POU2AF1: variants seen among roughly 807,000 people sequenced by gnomAD.
POU2AF1 encodes the protein POU class 2 homeobox associating factor 1.
In POU2AF1, 12 loss-of-function variants were observed where a neutral mutation model predicts 26.3. That is an observed-to-expected ratio of 0.46 (90% CI 0.29 to 0.74). The LOEUF (loss-of-function observed/expected upper bound fraction) is 0.74. Among genes scored for constraint, POU2AF1 ranks in the 30% least tolerant of loss-of-function variants. The pLI is 0.09. For synonymous variants in POU2AF1, 175 were observed against 148.0 expected, an observed-to-expected ratio of 1.18 and a Z score of -1.32; for missense variants, 297 against 334.5, an observed-to-expected ratio of 0.89 and a Z score of 0.87.
chr11:111,354,133 A>C lies in POU2AF1; in HGVS notation c.*128T>G. 9.8e-7 allele frequency: 1 copy of C among 1,025,030 alleles called. No individual in the cohort carries two copies. Among genetic ancestry groups the C allele is most frequent in the Non-Finnish European group, 1.4e-6 (1 of 708,180 alleles). The allele number at this position is 1,025,030 out of a possible 1,614,324, so 63.5% of individuals were successfully genotyped here. On this transcript the variant is annotated 3_prime_UTR_variant, in exon 5 of 5. Transcript: ENST00000393067. ...AGGGAAGGAAGGTTTACAGGTCTAC[A>C]ATTCTAGCTGTGCGTAGAAAGTGTA...
chr11:111,366,922 C>A (rs993079120), intron 1 of POU2AF1, among the ~76,000 whole-genome samples: 1 of 152,130 alleles, frequency 6.6e-6, no homozygotes, highest in Non-Finnish European at 1.5e-5. Context: ...TTGTATTAGG[C>A]TGAAGTCAAG....
At chr11:111,364,956 C>A (rs1473140842) in intron 1 of POU2AF1, among the ~76,000 whole-genome samples, 1 of 152,190 alleles carries the variant, frequency 6.6e-6, no homozygotes, top group East Asian at 1.9e-4. Flanking sequence ...AAATGGATAT[C>A]CAGTTGTTTG....
chr11:111,359,028 CG>C, intron 1 of POU2AF1, 110 bp from the exon 2 acceptor site: 1 of 1,469,656 alleles, frequency 6.8e-7, no homozygotes, highest in South Asian at 1.4e-5. Flanking sequence ...TGCTTGAACA[CG>C]GAGAACCACG....
intron 1 of POU2AF1, among the ~76,000 whole-genome samples, chr11:111,362,037 C>A (rs1266703905): frequency 1.3e-5 from 2 of 152,242 alleles, no homozygotes; most frequent in East Asian, 3.8e-4. Flanking sequence ...ACTTTCCCTA[C>A]TGCTGGGTGG....
At position 111,372,049 on chromosome 11, in the gene POU2AF1, C is replaced by CAGAGAGAGAGAG. The variant is rs1159443371; in HGVS notation, c.16+7112_16+7113insCTCTCTCTCTCT. Among the ~76,000 whole-genome samples, 15 of 132,480 alleles carry CAGAGAGAGAGAG rather than the reference C, an allele frequency of 1.1e-4. 1 individual carries two copies. Among genetic ancestry groups the CAGAGAGAGAGAG allele is most frequent in the Admixed American group, 2.3e-4 (3 of 13,258 alleles). The allele number at this position is 132,480 out of a possible 152,430, so 86.9% of individuals were successfully genotyped here. On this transcript the variant is annotated intron_variant, in intron 1 of 4. Coordinates refer to ENST00000393067, the MANE Select transcript of POU2AF1 (RefSeq NM_006235.3). Reference sequence around the variant, plus strand: ...ACAAATACACACACACACACACACACACACACACACACACACACACAGAGA... The same window carrying CAGAGAGAGAGAG: ...ACAAATACACACACACACACACACACAGAGAGAGAGAGACACACACACACACACACACAGAGA...
chr11:111,370,429 G>T (rs1193372252), intron 1 of POU2AF1, among the ~76,000 whole-genome samples: 1 of 152,152 alleles, frequency 6.6e-6, no homozygotes, highest in Non-Finnish European at 1.5e-5. Flanking sequence ...GCCACTCACT[G>T]CCACTCTCTG....
intron 1 of POU2AF1, 139 bp from the exon 2 acceptor site, chr11:111,359,057 C>T: frequency 7.2e-7 from 1 of 1,389,062 alleles, no homozygotes; most frequent in Non-Finnish European, 9.5e-7. Flanking sequence ...TCCTAGAATG[C>T]CTCTCCAGTA....
At chr11:111,358,119 G>A (rs890351881) in intron 2 of POU2AF1, among the ~76,000 whole-genome samples, 39 of 152,224 alleles carry the variant, frequency 2.6e-4, no homozygotes, top group African/African-American at 8.4e-4. Context: ...CGCTCACTCA[G>A]GCCTTGACAG....
intron 4 of POU2AF1, among the ~76,000 whole-genome samples, chr11:111,354,955 A>G (rs1005644957): frequency 2.6e-5 from 4 of 152,250 alleles, no homozygotes; most frequent in African/African-American, 9.6e-5. Flanking sequence ...AAACATTAAA[A>G]ATATATGCAT....
At chr11:111,377,057 T>C (rs1218090614) in intron 1 of POU2AF1, among the ~76,000 whole-genome samples, 1 of 152,080 alleles carries the variant, frequency 6.6e-6, no homozygotes, top group African/African-American at 2.4e-5. Flanking sequence ...CTCCAGGGTG[T>C]GAGCAGGAAG....
At chr11:111,360,036 C>T (rs1360523638) in intron 1 of POU2AF1, 1 of 518,958 alleles carries the variant, frequency 1.9e-6, no homozygotes, top group Non-Finnish European at 3.8e-6. Context: ...TCCTTCCCCT[C>T]TTGCCATCAA....
At position 111,354,541 on chromosome 11, in the gene POU2AF1, G is replaced by T. The variant is rs142246564; in HGVS notation, c.491C>A (p.Pro164Gln). 6.5e-7 allele frequency: 1 copy of T among 1,549,118 alleles called. No individual in the cohort carries two copies. Among genetic ancestry groups the T allele is most frequent in the African/African-American group, 1.4e-5 (1 of 71,948 alleles). Residue 164 changes from proline (P) to glutamine (Q), a missense_variant, in exon 5 of 5, where the codon CCG becomes CAG. Physicochemically the swap from Pro to Gln is moderately conservative, Grantham distance 76. Coordinates refer to ENST00000393067, the MANE Select transcript of POU2AF1 (RefSeq NM_006235.3). ...TGCCTGGTGCTCTGGGCCCTCCAGC[G>T]GGGGCCCCACTGCGGGCGTGGCGGA... ...RSSATPAVGPPLEGPEHQAPL... is the reference protein window; with the variant it reads ...RSSATPAVGPQLEGPEHQAPL...
intron 1 of POU2AF1, among the ~76,000 whole-genome samples, chr11:111,370,828 T>C (rs1025402458): frequency 2.0e-5 from 3 of 152,240 alleles, no homozygotes; most frequent in Non-Finnish European, 2.9e-5. Context: ...AACCCAATGC[T>C]ATATGTTCCA....
At chr11:111,376,664 AT>A (rs779565885) in intron 1 of POU2AF1, among the ~76,000 whole-genome samples, 2 of 152,182 alleles carry the variant, frequency 1.3e-5, no homozygotes, top group Non-Finnish European at 2.9e-5. Context: ...CCAGAACCCC[AT>A]AGTACAGTCA....
chr11:111,378,309 G>A (rs974520151), intron 1 of POU2AF1, among the ~76,000 whole-genome samples: 6 of 152,202 alleles, frequency 3.9e-5, no homozygotes, highest in Non-Finnish European at 7.3e-5. Flanking sequence ...GAAAGACAGA[G>A]CAATTTTTGG....
chr11:111,360,892 T>G (rs2135119293), intron 1 of POU2AF1, among the ~76,000 whole-genome samples: 2 of 147,738 alleles, frequency 1.4e-5, no homozygotes, highest in South Asian at 4.3e-4. Flanking sequence ...TGCAGTGAGC[T>G]GAGATCACAC....
chr11:111,358,781 C>T lies in POU2AF1; in HGVS notation c.147+7G>A, dbSNP rs1001012402. On this transcript the variant is annotated splice_region_variant and intron_variant, in intron 2 of 4. Transcript: ENST00000393067. ...ACACTCACACTCTCACACACACAAA[C>T]TCTCACCGCCGTAGGTGCAGGTGCT... The T allele has an allele frequency of 1.3e-6, 2 of 1,575,958 alleles. No homozygotes were observed. The highest frequency in any genetic ancestry group is 1.4e-5 in the African/African-American group (1 of 74,002).
intron 1 of POU2AF1, among the ~76,000 whole-genome samples, chr11:111,364,736 C>T (rs151045815): frequency 2.2e-4 from 34 of 152,316 alleles, no homozygotes; most frequent in African/African-American, 8.2e-4. Context: ...CATGCATTTC[C>T]GTCCCACCAT....
intron 1 of POU2AF1, among the ~76,000 whole-genome samples, chr11:111,366,562 AT>A (rs1264241510): frequency 6.6e-6 from 1 of 152,204 alleles, no homozygotes; most frequent in African/African-American, 2.4e-5. Context: ...GGACAGTGAC[AT>A]GTGCCCTCCC....
Sources: gnomAD v4.1 joint callset for allele counts (sites outside exome capture counted in the v4.1 genomes callset) on GRCh38, gnomAD v4.1.1 for gene constraint, MANE v1.5 for transcripts, NCBI Gene and HGNC (gene_info 2026-07-23, HGNC 2026-07-21) for gene names.